The following RFX4 variants were observed in gnomAD, a reference collection of about 807,000 sequenced individuals.
The protein encoded by RFX4 is regulatory factor X4, also known as transcription factor RFX4.
A neutral mutation model predicts 95.0 loss-of-function variants in RFX4; 10 were observed. The observed-to-expected ratio is 0.11, with a 90% CI of 0.06 to 0.18. The LOEUF is 0.18. RFX4 is among the 10% of genes least tolerant of loss of function. RFX4 has a pLI of 1.00. For synonymous variants in RFX4, 321 were observed against 340.7 expected, an observed-to-expected ratio of 0.94 and a Z score of 0.64; for missense variants, 640 against 922.0, an observed-to-expected ratio of 0.69 and a Z score of 3.96.
intron 7 of RFX4, among the ~76,000 whole-genome samples, chr12:106,692,184 A>G (rs1438679952): frequency 6.6e-6 from 1 of 151,422 alleles, no homozygotes; most frequent in Non-Finnish European, 1.5e-5. Flanking sequence ...GCAAATCTGC[A>G]TGTAGGGGAC....
chr12:106,694,365 G>A (rs1176921355), intron 7 of RFX4, among the ~76,000 whole-genome samples: 2 of 152,218 alleles, frequency 1.3e-5, no homozygotes, highest in African/African-American at 4.8e-5. Flanking sequence ...CCAGGCTAGA[G>A]TCGGGGCATG....
At chr12:106,626,890 C>A (rs1301746534) in intron 2 of RFX4, among the ~76,000 whole-genome samples, 1 of 152,134 alleles carries the variant, frequency 6.6e-6, no homozygotes, top group Non-Finnish European at 1.5e-5. Context: ...ATCCTGTATC[C>A]TAGGCGGGAG....
intron 4 of RFX4, among the ~76,000 whole-genome samples, chr12:106,664,266 TC>T (rs969503778): frequency 6.6e-6 from 1 of 151,910 alleles, no homozygotes; most frequent in Non-Finnish European, 1.5e-5. Flanking sequence ...TCTGTTTCTT[TC>T]TGTGTGAGTT....
At chr12:106,748,593 T>C (rs2042938649) in intron 16 of RFX4, among the ~76,000 whole-genome samples, 1 of 152,226 alleles carries the variant, frequency 6.6e-6, no homozygotes, top group African/African-American at 2.4e-5. Context: ...ACTGTCTTTA[T>C]CAAAAGACAC....
chr12:106,703,138 A>G (rs1004692895), intron 8 of RFX4, among the ~76,000 whole-genome samples: 1 of 152,200 alleles, frequency 6.6e-6, no homozygotes. Flanking sequence ...ATTGCAAGTG[A>G]GCCAGTCCCC....
At chr12:106,722,002 G>A (rs1024210869) in intron 13 of RFX4, among the ~76,000 whole-genome samples, 5 of 152,206 alleles carry the variant, frequency 3.3e-5, no homozygotes, top group African/African-American at 1.2e-4. Flanking sequence ...TTTAATCTCA[G>A]CATTGGAAGG....
At chr12:106,756,144 C>A (rs11837590) in intron 17 of RFX4, among the ~76,000 whole-genome samples, 1 of 152,162 alleles carries the variant, frequency 6.6e-6, no homozygotes, top group Non-Finnish European at 1.5e-5. Context: ...GGTTTCACAG[C>A]GTGAGGTTTG....
intron 3 of RFX4, among the ~76,000 whole-genome samples, chr12:106,644,448 G>A (rs1565962029): frequency 6.6e-6 from 1 of 152,054 alleles, no homozygotes; most frequent in East Asian, 1.9e-4. Flanking sequence ...GGCCAGGCTG[G>A]TTTTGAACTC....
At chr12:106,701,811 G>A (rs1020224470) in intron 8 of RFX4, among the ~76,000 whole-genome samples, 41 of 152,186 alleles carry the variant, frequency 2.7e-4, no homozygotes, top group Admixed American at 3.3e-4. Flanking sequence ...GAAGGCAGAA[G>A]GATCACTTGA....
At chr12:106,603,359 CATT>C (rs929151075) in intron 1 of RFX4, among the ~76,000 whole-genome samples, 27 of 152,334 alleles carry the variant, frequency 1.8e-4, no homozygotes, top group African/African-American at 6.5e-4. Flanking sequence ...TGCTCAACCT[CATT>C]ATATGTACCC....
chr12:106,609,812 G>T (rs2039919624), intron 2 of RFX4, among the ~76,000 whole-genome samples: 1 of 151,400 alleles, frequency 6.6e-6, no homozygotes, highest in Admixed American at 6.6e-5. Context: ...AACCTTTCTT[G>T]TCCCCCAGGA....
At chr12:106,712,984 C>T (rs200370654) in intron 10 of RFX4, among the ~76,000 whole-genome samples, 37 of 152,146 alleles carry the variant, frequency 2.4e-4, no homozygotes, top group African/African-American at 8.7e-4. Flanking sequence ...CCTATAGCCA[C>T]GTGTTGCACA....
At chr12:106,597,063 G>T (rs11832398) in intron 1 of RFX4, among the ~76,000 whole-genome samples, 11,489 of 152,254 alleles carry the variant, frequency 0.075, 1,002 homozygotes, top group African/African-American at 0.21. Flanking sequence ...GGCACAGTGT[G>T]AGTGCTTCAT....
intron 16 of RFX4, among the ~76,000 whole-genome samples, chr12:106,748,702 A>G (rs1420265075): frequency 6.6e-6 from 1 of 152,174 alleles, no homozygotes. Context: ...TAATCCCAGC[A>G]CTTTGGAAGG....
chr12:106,740,690 G>A (rs2042790143), intron 15 of RFX4, among the ~76,000 whole-genome samples: 1 of 152,168 alleles, frequency 6.6e-6, no homozygotes, highest in Non-Finnish European at 1.5e-5. Context: ...CTAGTGGTAA[G>A]AGTCAATACA....
In RFX4 at chr12:106,631,220, G is replaced by A. The variant is rs537615786; in HGVS notation, c.131-8112G>A. ...TATGAGTCCTCAATAAACATTCCCC[G>A]ATGGTACTGCTGTTTTGTATGCTTA... On this transcript the variant is annotated intron_variant, in intron 2 of 17. Transcript: ENST00000392842. Among the ~76,000 whole-genome samples the A allele has an allele frequency of 5.3e-5, 8 of 152,310 alleles. No individual in the cohort carries two copies. The South Asian group carries it at 1.2e-3, about 24-fold the overall frequency.
Position 106,687,005 on chromosome 12 carries a change from G to T in RFX4, c.499G>T (p.Ala167Ser). 6.2e-7 allele frequency: 1 copy of T among 1,614,006 alleles called. No homozygotes were observed. The highest frequency in any genetic ancestry group is 1.7e-5 in the Admixed American group (1 of 59,974). ...GKKEVSKQTV[A>S]YSPRSKLGTL... The stretch of plus-strand genomic sequence containing the variant: ...GAAAGAAGTGAGCAAACAGACAGTG[G>T]CATATTCACCCCGGTCCAAACTCGG... Residue 167 changes from alanine to serine, a missense_variant, in exon 6 of 18, where the codon GCA becomes TCA. Ala to Ser is a moderately conservative substitution (Grantham distance 99). This residue lies in a region of RFX4 where 89 missense variants were observed against 173.8 expected (regional missense o/e 0.51). Transcript: ENST00000392842.
Position 106,750,788 on chromosome 12 carries a change from G to A in RFX4, c.1930G>A (p.Ala644Thr). Residue 644 changes from alanine (A) to threonine (T), a missense_variant, in exon 17 of 18, where the codon GCA becomes ACA. This residue lies in a region of RFX4 where 300 missense variants were observed against 346.8 expected (regional missense o/e 0.87). Coordinates refer to ENST00000392842, the MANE Select transcript of RFX4 (RefSeq NM_213594.3). The part of the protein sequence containing the change: ...LHYAPYHRSS[A>T]QYPFNSPTSR... ...CTATGCCCCTTACCACAGGAGCTCTGCACAGGTGAGTCAGTGGTCCTGGTT... is the reference window on the plus strand; with the variant it reads ...CTATGCCCCTTACCACAGGAGCTCTACACAGGTGAGTCAGTGGTCCTGGTT... 4 of 1,572,408 alleles carry A rather than the reference G, an allele frequency of 2.5e-6. No individual in the cohort carries two copies. Among genetic ancestry groups the A allele is most frequent in the Non-Finnish European group, 3.4e-6 (4 of 1,163,326 alleles).
intron 3 of RFX4, among the ~76,000 whole-genome samples, chr12:106,651,316 C>T (rs972968361): frequency 2.0e-5 from 3 of 152,150 alleles, no homozygotes; most frequent in Non-Finnish European, 4.4e-5. Flanking sequence ...AAATGAGTTA[C>T]ACCCTCTGAG....
Sources: gnomAD v4.1 joint callset for allele counts (sites outside exome capture counted in the v4.1 genomes callset) on GRCh38, gnomAD v4.1.1 for gene constraint, gnomAD v4.1.1 regional missense constraint, MANE v1.5 for transcripts, NCBI Gene and HGNC (gene_info 2026-07-23, HGNC 2026-07-21) for gene names.